TMPRSS6: variants seen among roughly 807,000 people sequenced by gnomAD.
TMPRSS6 encodes the protein transmembrane protease serine 6.
Under a neutral mutation model 101.5 loss-of-function variants are expected in TMPRSS6, and 67 were observed. The ratio of observed to expected loss-of-function variants is 0.66; its 90% CI spans 0.54 to 0.81. The LOEUF (loss-of-function observed/expected upper bound fraction) is 0.81. Ranked by LOEUF, TMPRSS6 falls within the 30% of genes least tolerant of loss-of-function variation. The probability of loss-of-function intolerance (pLI) is 0.00; values close to 1 mark genes in which losing one functional copy is unlikely to be tolerated. For missense variants in TMPRSS6, 1,034 were observed against 1,088.7 expected (o/e 0.95, Z 0.71); for synonymous variants, 453 against 464.9 (o/e 0.97, Z 0.33).
At chr22:37,102,286 A>T (rs1392487353) in intron 2 of TMPRSS6, among the ~76,000 whole-genome samples, 1 of 152,224 alleles carries the variant, frequency 6.6e-6, no homozygotes, top group Non-Finnish European at 1.5e-5. Flanking sequence ...GCTTTAGCGT[A>T]AATGTCAGGT....
At chr22:37,082,125 G>T (rs1255421013) in intron 10 of TMPRSS6, among the ~76,000 whole-genome samples, 3 of 152,172 alleles carry the variant, frequency 2.0e-5, no homozygotes, top group Non-Finnish European at 2.9e-5. Context: ...GCTGTTTGTG[G>T]CTGTTGGGGG....
At chr22:37,075,365 A>G in intron 10 of TMPRSS6, 85 bp from the exon 11 acceptor site, 1 of 1,575,898 alleles carries the variant, frequency 6.3e-7, no homozygotes, top group African/African-American at 1.3e-5. Context: ...AGGCAGCCAG[A>G]GGGGCAGGGG....
rs552431687 is a variant in TMPRSS6 at position 37,094,961 on chromosome 22, CTGCCTTG to C, written c.631+583_631+589del. Among the ~76,000 whole-genome samples the C allele has an allele frequency of 2.8e-4, 42 of 152,314 alleles. 1 individual carries two copies. In the South Asian group the frequency reaches 8.5e-3, roughly 31 times the overall value. On this transcript the variant is annotated intron_variant, in intron 6 of 17. Coordinates refer to ENST00000676104, the MANE Select transcript of TMPRSS6 (RefSeq NM_001374504.1). The stretch of plus-strand genomic sequence containing the variant: ...CAAACTACAACTTGGACAGCACCTC[CTGCCTTG>C]TGCAGCGTGGTGACTGTGCTGGTCA...
intron 6 of TMPRSS6, among the ~76,000 whole-genome samples, chr22:37,093,282 G>A (rs1398252698): frequency 6.6e-6 from 1 of 152,002 alleles, no homozygotes; most frequent in Non-Finnish European, 1.5e-5. Context: ...CAGGAACATG[G>A]GGACACAGAG....
intron 10 of TMPRSS6, 131 bp downstream of exon 10, chr22:37,084,164 C>T: frequency 1.2e-6 from 1 of 811,450 alleles, no homozygotes; most frequent in Non-Finnish European, 2.1e-6. Flanking sequence ...CAGCCCCAGC[C>T]TCTGCTCGCT....
Position 37,103,688 on chromosome 22 carries a change from G to A in TMPRSS6, c.-1-270C>T. Reference sequence around the variant, plus strand: ...TTTGCTTCCCACTGGCTTCCCTATGGTCAGAGGACAGACGGAGGTCTCAGT... The same window carrying A: ...TTTGCTTCCCACTGGCTTCCCTATGATCAGAGGACAGACGGAGGTCTCAGT... On this transcript the variant is annotated intron_variant, in intron 1 of 17. Transcript: ENST00000676104. This position sits in a 1 kb window ranked among gnomAD's most constrained non-coding sequence, Gnocchi z 4.4. 1 of 1,164,012 alleles carries A rather than the reference G, an allele frequency of 8.6e-7. No homozygotes were observed. The highest frequency in any genetic ancestry group is 1.3e-6 in the Non-Finnish European group (1 of 791,788). 72.1% of individuals were successfully genotyped at this position (1,164,012 alleles called of 1,614,324 possible). A position where few individuals can be genotyped will look rare whatever the true frequency, so the allele number is the denominator to read the frequency against.
intron 10 of TMPRSS6, among the ~76,000 whole-genome samples, chr22:37,077,981 C>T (rs1416052234): frequency 1.3e-5 from 2 of 152,246 alleles, no homozygotes; most frequent in Non-Finnish European, 2.9e-5. Flanking sequence ...CGCCAGGGGG[C>T]GCCCCTGAGC....
chr22:37,071,222 C>T (rs1006087898), intron 13 of TMPRSS6, among the ~76,000 whole-genome samples, 190 bp from the exon 14 acceptor site: 9 of 151,948 alleles, frequency 5.9e-5, no homozygotes, highest in African/African-American at 1.9e-4. Context: ...CCCCTCCACT[C>T]AGACTGGCCT....
intron 10 of TMPRSS6, among the ~76,000 whole-genome samples, chr22:37,080,687 G>A (rs1307263559): frequency 2.0e-5 from 3 of 152,238 alleles, no homozygotes; most frequent in African/African-American, 4.8e-5. Context: ...AGGAGTCTGC[G>A]GGGAGGGGAC....
At chr22:37,108,458 G>A (rs1930850304) in intron 1 of TMPRSS6, among the ~76,000 whole-genome samples, 1 of 152,194 alleles carries the variant, frequency 6.6e-6, no homozygotes, top group South Asian at 2.1e-4. Context: ...TGCCACAGGG[G>A]CCTGAAGCAG....
intron 1 of TMPRSS6, among the ~76,000 whole-genome samples, chr22:37,106,346 G>A (rs552618415): frequency 2.2e-4 from 34 of 152,192 alleles, no homozygotes; most frequent in Non-Finnish European, 3.1e-4. Flanking sequence ...GAGGAAGCCC[G>A]AAGAGGGGCA....
At chr22:37,067,680 C>G (rs1926434755) in intron 16 of TMPRSS6, among the ~76,000 whole-genome samples, 1 of 152,134 alleles carries the variant, frequency 6.6e-6, no homozygotes, top group Non-Finnish European at 1.5e-5. Flanking sequence ...TGCAGTCTGC[C>G]CTAGCGCTTC....
At position 37,078,938 on chromosome 22, in the gene TMPRSS6, AGAAGG is replaced by A. The variant is rs1368650404; in HGVS notation, c.1197-3663_1197-3659del. On this transcript the variant is annotated intron_variant, in intron 10 of 17. Transcript: ENST00000676104. ...AGAAAGAGAAAGAAGAGGAAGAAGG[AGAAGG>A]AGAAGGAGAAAAAGAGAAAGAAAGA... Among the ~76,000 whole-genome samples, 44 of 86,732 alleles carry A rather than the reference AGAAGG, an allele frequency of 5.1e-4. No individual in the cohort carries two copies. In the African/African-American group the frequency reaches 5.1e-3, roughly 10 times the overall value. The allele number at this position is 86,732 out of a possible 152,430, so 56.9% of individuals were successfully genotyped here.
At position 37,069,287 on chromosome 22, in the gene TMPRSS6, G is replaced by A; in HGVS notation, c.1899C>T (p.Arg633=). ...VFLGKVWQNS[R]WPGEVSFKVS... is the part of the protein sequence containing the mutation. ...CCTTGAAGGACACCTCTCCAGGCCAGCGCGAGTTCTGCCACACCTTGCCCA... is the reference window on the plus strand; with the variant it reads ...CCTTGAAGGACACCTCTCCAGGCCAACGCGAGTTCTGCCACACCTTGCCCA... The change falls in exon 16 of 18, where the codon CGC becomes CGT. Residue 633 remains arginine, a synonymous_variant. Coordinates refer to ENST00000676104, the MANE Select transcript of TMPRSS6 (RefSeq NM_001374504.1). The surrounding 1 kb of genome is among the most constrained non-coding windows in gnomAD (Gnocchi z 4.8). 6.2e-7 allele frequency: 1 copy of A among 1,605,370 alleles called. No individual in the cohort carries two copies. Among genetic ancestry groups the A allele is most frequent in the Non-Finnish European group, 8.5e-7 (1 of 1,176,546 alleles).
Position 37,069,018 on chromosome 22 carries a change from G to T in TMPRSS6, c.2113+55C>A. 1 of 1,530,190 alleles carries T rather than the reference G, an allele frequency of 6.5e-7. No homozygotes were observed. Among genetic ancestry groups the T allele is most frequent in the South Asian group, 1.2e-5 (1 of 83,364 alleles). 94.8% of individuals were successfully genotyped at this position (1,530,190 alleles called of 1,614,324 possible). A position where few individuals can be genotyped will look rare whatever the true frequency, so the allele number is the denominator to read the frequency against. On this transcript the variant is annotated intron_variant, in intron 16 of 17. Coordinates refer to ENST00000676104, the MANE Select transcript of TMPRSS6 (RefSeq NM_001374504.1). This position sits in a 1 kb window ranked among gnomAD's most constrained non-coding sequence, Gnocchi z 4.8. ...CGCCCTTCTCCAGGCCAGGTGTTAC[G>T]GCGCAGATCCGCACGGTCTCCCTCC...
In TMPRSS6 at chr22:37,086,312, A is replaced by G; in HGVS notation, c.944T>C (p.Val315Ala). The G allele has an allele frequency of 1.2e-6, 2 of 1,614,126 alleles. No homozygotes were observed. The highest frequency in any genetic ancestry group is 1.7e-6 in the Non-Finnish European group (2 of 1,180,006). Residue 315 changes from valine (V) to alanine (A), a missense_variant, in exon 8 of 18, where the codon GTG becomes GCG. Physicochemically the swap from Val to Ala is moderately conservative, Grantham distance 64. Coordinates refer to ENST00000676104, the MANE Select transcript of TMPRSS6 (RefSeq NM_001374504.1). ...KGLHSYYDPF[V>A]LSVQPVVFQA... ...GAAGACCACCGGCTGCACGGAGAGCACGAAGGGGTCGTAGTAGCTGTGCAG... is the reference window on the plus strand; with the variant it reads ...GAAGACCACCGGCTGCACGGAGAGCGCGAAGGGGTCGTAGTAGCTGTGCAG...
intron 7 of TMPRSS6, 34 bp downstream of exon 7, chr22:37,089,544 G>GGCCACCCCACC: frequency 1.5e-6 from 2 of 1,348,866 alleles, no homozygotes; most frequent in Non-Finnish European, 2.1e-6. Flanking sequence ...CCCTTTTCCA[G>GGCCACCCCACC]CCCTCCCTCC....
chr22:37,084,386 C>G lies in TMPRSS6; in HGVS notation c.1105G>C (p.Gly369Arg). 6.2e-7 allele frequency: 1 copy of G among 1,612,408 alleles called. No homozygotes were observed. The highest frequency in any genetic ancestry group is 8.5e-7 in the Non-Finnish European group (1 of 1,179,242). ...WHLTVPSLDY[G>R]LALWFDAYAL... is the part of the protein sequence containing the mutation. ...TAGGCATCAAACCAGAGGGCCAAGCCGTAGTCCAGAGAGGGCACCTGGGAG... is the reference window on the plus strand; with the variant it reads ...TAGGCATCAAACCAGAGGGCCAAGCGGTAGTCCAGAGAGGGCACCTGGGAG... Residue 369 changes from glycine to arginine, a missense_variant, in exon 10 of 18, where the codon GGC (glycine) becomes CGC (arginine). Transcript: ENST00000676104.
chr22:37,089,674 A>G lies in TMPRSS6; in HGVS notation c.740T>C (p.Met247Thr). 6.2e-7 allele frequency: 1 copy of G among 1,612,752 alleles called. No individual in the cohort carries two copies. Among genetic ancestry groups the G allele is most frequent in the Non-Finnish European group, 8.5e-7 (1 of 1,179,478 alleles). ...CGTCCACTCCAGCCGGAGTTTGAGC[A>G]TGAGGTCCTTGGGGCCCTGCAGGTG... ...LWHLQGPKDL[M>T]LKLRLEWTLA... is the part of the protein sequence containing the mutation. The change falls in exon 7 of 18, where the codon ATG becomes ACG. Residue 247 changes from methionine to threonine, a missense_variant. Met to Thr is a moderately conservative substitution (Grantham distance 81, BLOSUM62 -1). Coordinates refer to ENST00000676104, the MANE Select transcript of TMPRSS6 (RefSeq NM_001374504.1).
Sources: gnomAD v4.1 joint callset for allele counts (sites outside exome capture counted in the v4.1 genomes callset) on GRCh38, gnomAD v4.1.1 for gene constraint, Gnocchi (gnomAD v3.1) non-coding constraint, MANE v1.5 for transcripts, NCBI Gene and HGNC (gene_info 2026-07-23, HGNC 2026-07-21) for gene names.